The following PTPRN2 variants were observed in gnomAD, a reference collection of about 807,000 sequenced individuals.
PTPRN2 encodes protein tyrosine phosphatase receptor type N2.
Under a neutral mutation model 118.8 loss-of-function variants are expected in PTPRN2, and 74 were observed. The observed-to-expected ratio is 0.62, with a 90% CI of 0.52 to 0.76. PTPRN2 has a LOEUF of 0.76. Among genes scored for constraint, PTPRN2 ranks in the 30% least tolerant of loss-of-function variants. The pLI is 0.00. For synonymous variants in PTPRN2, 641 were observed against 608.0 expected (o/e 1.05, Z -0.80); for missense variants, 1,481 against 1,394.4 (o/e 1.06, Z -0.99).
At chr7:158,331,481 C>T (rs1215630262) in intron 2 of PTPRN2, among the ~76,000 whole-genome samples, 2 of 147,184 alleles carry the variant, frequency 1.4e-5, no homozygotes, top group African/African-American at 2.6e-5. Context: ...TCACTCACAC[C>T]CACACTCTCA....
chr7:158,519,772 A>G (rs1823847918), intron 1 of PTPRN2, among the ~76,000 whole-genome samples: 1 of 151,956 alleles, frequency 6.6e-6, no homozygotes, highest in South Asian at 2.1e-4. Context: ...GAAAGAAGTG[A>G]CTCACCTCAG....
intron 13 of PTPRN2, among the ~76,000 whole-genome samples, chr7:157,657,979 C>T (rs1795678935): frequency 6.7e-6 from 1 of 149,800 alleles, no homozygotes; most frequent in Admixed American, 6.6e-5. Context: ...ACACACACCA[C>T]ACACACGTCA....
At chr7:158,344,693 G>A (rs926549926) in intron 2 of PTPRN2, among the ~76,000 whole-genome samples, 32 of 152,034 alleles carry the variant, frequency 2.1e-4, no homozygotes, top group Middle Eastern at 3.4e-3. Flanking sequence ...GGAGGTGGTC[G>A]CTCTCCCCAA....
chr7:158,143,023 G>A (rs947924381), intron 6 of PTPRN2, among the ~76,000 whole-genome samples: 3 of 152,108 alleles, frequency 2.0e-5, no homozygotes, highest in East Asian at 1.9e-4. Context: ...CCGAGCCACC[G>A]AGCCACGAGC....
At chr7:157,853,276 G>C (rs1353211619) in intron 12 of PTPRN2, among the ~76,000 whole-genome samples, 1 of 152,104 alleles carries the variant, frequency 6.6e-6, no homozygotes, top group Non-Finnish European at 1.5e-5. Context: ...CGGCCGAGCC[G>C]GGCCTGCAAC....
intron 12 of PTPRN2, among the ~76,000 whole-genome samples, chr7:157,793,065 C>T (rs958709344): frequency 6.6e-6 from 1 of 151,932 alleles, no homozygotes; most frequent in South Asian, 2.1e-4. Flanking sequence ...ATTAATGGGA[C>T]CCCTCTACAA....
chr7:158,325,011 C>G (rs1803372798), intron 2 of PTPRN2, among the ~76,000 whole-genome samples: 1 of 152,238 alleles, frequency 6.6e-6, no homozygotes, highest in South Asian at 2.1e-4. Context: ...TGCGTTACCC[C>G]ACAATTCTCC....
intron 14 of PTPRN2, among the ~76,000 whole-genome samples, chr7:157,645,505 T>TA (rs1297788008): frequency 6.6e-6 from 1 of 152,244 alleles, no homozygotes; most frequent in Non-Finnish European, 1.5e-5. Flanking sequence ...ATCTGGCTTC[T>TA]AAAAACTCAC....
chr7:157,971,480 T>C (rs1335285271), intron 11 of PTPRN2, among the ~76,000 whole-genome samples: 2 of 152,224 alleles, frequency 1.3e-5, no homozygotes, highest in Admixed American at 1.3e-4. Flanking sequence ...TTAATCGTTA[T>C]TAATTTCTTT....
At chr7:158,357,979 C>T (rs1471624877) in intron 2 of PTPRN2, among the ~76,000 whole-genome samples, 1 of 152,266 alleles carries the variant, frequency 6.6e-6, no homozygotes. Flanking sequence ...GTGTGCATGT[C>T]TCTGTTTCTC....
At chr7:158,019,699 C>T (rs999901012) in intron 11 of PTPRN2, among the ~76,000 whole-genome samples, 26 of 152,264 alleles carry the variant, frequency 1.7e-4, no homozygotes, top group Admixed American at 9.8e-4. Context: ...AGATGGTGAG[C>T]GGGCTGTGTC....
chr7:158,131,530 TAC>T (rs796300272), intron 9 of PTPRN2, among the ~76,000 whole-genome samples: 7 of 138,604 alleles, frequency 5.1e-5, no homozygotes, highest in East Asian at 2.3e-4. Context: ...CACACACTCA[TAC>T]ACACACACGG....
rs546744710 is a variant in PTPRN2, at chr7:157,949,109, T to C, written c.1724-50372A>G. On this transcript the variant is annotated intron_variant, in intron 11 of 22. Transcript: ENST00000389418. ...ACAAATGTTCCAAAATTTGAAAAGA[T>C]CCAAAATCTGAAATACCTCTGTCCC... Among the ~76,000 whole-genome samples the C allele has an allele frequency of 1.4e-3, 214 of 152,296 alleles. 8 individuals are homozygous for C. In the South Asian group the frequency reaches 0.043, roughly 30 times the overall value.
intron 5 of PTPRN2, among the ~76,000 whole-genome samples, chr7:158,175,440 TTC>T (rs1487082839): frequency 2.6e-5 from 4 of 152,158 alleles, no homozygotes; most frequent in Admixed American, 6.5e-5. Context: ...CTCATTTATT[TTC>T]TCTGTCTCTC....
At chr7:158,044,274 C>T (rs776085999) in intron 11 of PTPRN2, among the ~76,000 whole-genome samples, 5 of 152,152 alleles carry the variant, frequency 3.3e-5, no homozygotes, top group Non-Finnish European at 7.4e-5. Flanking sequence ...GAGCTCACCT[C>T]TGGAGGAGAA....
intron 2 of PTPRN2, among the ~76,000 whole-genome samples, chr7:158,332,706 G>C (rs1045203950): frequency 2.7e-5 from 4 of 149,316 alleles, no homozygotes; most frequent in Non-Finnish European, 5.9e-5. Flanking sequence ...GTTGACACCT[G>C]CAGATGTCAC....
At chr7:157,747,279 C>T (rs1386384235) in intron 12 of PTPRN2, among the ~76,000 whole-genome samples, 43 of 133,132 alleles carry the variant, frequency 3.2e-4, no homozygotes, top group African/African-American at 8.4e-4. Flanking sequence ...CCGGGTGATT[C>T]TGAGGCCTGC....
intron 9 of PTPRN2, among the ~76,000 whole-genome samples, chr7:158,120,168 G>T (rs557893459): frequency 6.6e-6 from 1 of 152,162 alleles, no homozygotes; most frequent in African/African-American, 2.4e-5. Flanking sequence ...GAGACACAGA[G>T]TAGAGTGAAG....
intron 17 of PTPRN2, among the ~76,000 whole-genome samples, chr7:157,589,228 A>G (rs769213170): frequency 1.7e-4 from 26 of 152,216 alleles, no homozygotes; most frequent in Non-Finnish European, 2.9e-4. Context: ...CGATGGCTTC[A>G]TCGCAGGGTC....
Sources: allele counts gnomAD v4.1 joint callset (sites outside exome capture counted in the v4.1 genomes callset), GRCh38; gene constraint gnomAD v4.1.1; transcripts MANE v1.5; gene names NCBI Gene and HGNC (gene_info 2026-07-23, HGNC 2026-07-21).